Variants in CLDN16 observed in about 807,000 individuals in gnomAD.
CLDN16 encodes claudin 16.
In CLDN16, 13 loss-of-function variants were observed where a neutral mutation model predicts 24.6. The ratio of observed to expected loss-of-function variants is 0.53; its 90% CI spans 0.34 to 0.84. The LOEUF is 0.84. Among genes scored for constraint, CLDN16 ranks in the 40% least tolerant of loss-of-function variants. The probability of loss-of-function intolerance (pLI) is 0.01; values close to 1 mark genes in which losing one functional copy is unlikely to be tolerated. For missense variants in CLDN16, 298 were observed against 292.7 expected, an observed-to-expected ratio of 1.02 and a Z score of -0.13; for synonymous variants, 116 against 106.7, an observed-to-expected ratio of 1.09 and a Z score of -0.54.
chr3:190,355,391 C>T (rs1717746863), intron 1 of CLDN16, among the ~76,000 whole-genome samples: 1 of 151,844 alleles, frequency 6.6e-6, no homozygotes, highest in Admixed American at 6.6e-5. Flanking sequence ...ATCCCCAAGT[C>T]CTCTTCTTTT....
intron 1 of CLDN16, among the ~76,000 whole-genome samples, chr3:190,326,686 C>T (rs1717069311): frequency 6.6e-6 from 1 of 152,158 alleles, no homozygotes; most frequent in South Asian, 2.1e-4. Flanking sequence ...TCAAGTGCCT[C>T]CCTTGTTTTC....
chr3:190,308,255 A>G, the CLDN16 span: 1 of 1,613,312 alleles, frequency 6.2e-7, no homozygotes, highest in Non-Finnish European at 8.5e-7. Flanking sequence ...TTTCAACATG[A>G]TTTTCTCCTT....
chr3:190,375,168 TGATAA>T (rs1424920900), intron 3 of CLDN16, among the ~76,000 whole-genome samples: 5 of 152,092 alleles, frequency 3.3e-5, no homozygotes, highest in African/African-American at 1.2e-4. Context: ...TTAGGAGAAG[TGATAA>T]GATAACCCTA....
intron 1 of CLDN16, among the ~76,000 whole-genome samples, chr3:190,363,596 A>ATATATATATATATATT (rs1460049752): frequency 7.6e-6 from 1 of 131,182 alleles, no homozygotes. Context: ...ATATATATAT[A>ATATATATATATATATT]TTTTCTTTCT....
chr3:190,377,599 A>G (rs942114504), intron 3 of CLDN16, among the ~76,000 whole-genome samples: 5 of 152,030 alleles, frequency 3.3e-5, no homozygotes, highest in African/African-American at 1.2e-4. Flanking sequence ...GTTTGTATTC[A>G]ATGTATGTTA....
Position 190,356,851 on chromosome 3 carries a change from A to T in CLDN16, n.122-14042A>T, listed in dbSNP as rs1002678405. Among the ~76,000 whole-genome samples, 4 of 152,060 alleles carry T rather than the reference A, an allele frequency of 2.6e-5. No homozygotes were observed. The South Asian group carries it at 8.3e-4, about 32-fold the overall frequency. On this transcript the variant is annotated intron_variant and non_coding_transcript_variant, in intron 1 of 4. Transcript: ENST00000468220. ...ATATTTAGGTTGAAAATATTTTATT[A>T]TTCAATTATTAAAAGTTATGTAATA...
chr3:190,350,087 A>G (rs55825791), intron 1 of CLDN16, among the ~76,000 whole-genome samples: 8,786 of 152,226 alleles, frequency 0.058, 327 homozygotes, highest in East Asian at 0.14. Context: ...GGCACAGGGC[A>G]GGGCATGGAG....
the CLDN16 span, among the ~76,000 whole-genome samples, chr3:190,309,345 G>C: frequency 6.6e-6 from 1 of 152,146 alleles, no homozygotes; most frequent in Non-Finnish European, 1.5e-5. Context: ...AATCTTATGG[G>C]ATGGGCTCCA....
At chr3:190,390,772 A>G (rs991174340) in intron 1 of CLDN16, among the ~76,000 whole-genome samples, 1 of 151,984 alleles carries the variant, frequency 6.6e-6, no homozygotes, top group Non-Finnish European at 1.5e-5. Flanking sequence ...CCATATAACA[A>G]CTCACTTTAT....
chr3:190,341,274 C>T (rs1577401750), intron 1 of CLDN16, among the ~76,000 whole-genome samples: 3 of 152,318 alleles, frequency 2.0e-5, no homozygotes, highest in South Asian at 2.1e-4. Context: ...AGGACCCCAC[C>T]CCTGTAGCAA....
upstream of CLDN16, chr3:190,321,869 A>G: frequency 1.3e-6 from 1 of 789,670 alleles, no homozygotes; most frequent in Non-Finnish European, 2.1e-6. Context: ...TGATCAGAAG[A>G]CTTGATCAAC....
chr3:190,335,156 G>C (rs1432989364), intron 1 of CLDN16, among the ~76,000 whole-genome samples: 2 of 151,316 alleles, frequency 1.3e-5, no homozygotes, highest in Non-Finnish European at 2.9e-5. Flanking sequence ...CGATTCTCCT[G>C]CCACAGCCTC....
rs778765191 is a variant in CLDN16 at position 190,404,763 on chromosome 3, G to A, written c.219G>A (p.Leu73=). 6.2e-7 allele frequency: 1 copy of A among 1,614,118 alleles called. No homozygotes were observed. The highest frequency in any genetic ancestry group is 8.5e-7 in the Non-Finnish European group (1 of 1,180,006). The stretch of plus-strand genomic sequence containing the variant: ...TAACCATATGCCCTGGTCTTCCAGT[G>A]AAGCTGGTGGTAACTCGAGCGTTGA... ...EYDSILAEHP[L]KLVVTRALMI... is the part of the protein sequence containing the mutation. Residue 73 remains leucine (L), a splice_region_variant and synonymous_variant, in exon 3 of 5, where the codon TTG becomes TTA. Coordinates refer to ENST00000264734, the MANE Select transcript of CLDN16 (RefSeq NM_006580.4).
At chr3:190,294,178 C>T in the CLDN16 span, among the ~76,000 whole-genome samples, 5 of 152,148 alleles carry the variant, frequency 3.3e-5, no homozygotes, top group African/African-American at 4.8e-5. Flanking sequence ...ACTTAAAATG[C>T]TTCCTTCTAA....
chr3:190,405,899 CT>C (rs1239827324), intron 3 of CLDN16, among the ~76,000 whole-genome samples: 1 of 152,188 alleles, frequency 6.6e-6, no homozygotes, highest in Non-Finnish European at 1.5e-5. Flanking sequence ...GCTTAGTCCT[CT>C]TCTTTTGCAA....
chr3:190,347,941 T>A (rs777005028), intron 1 of CLDN16, among the ~76,000 whole-genome samples: 36 of 151,660 alleles, frequency 2.4e-4, no homozygotes, highest in Admixed American at 5.9e-4. Flanking sequence ...GGGCGAGGAA[T>A]CGGTAGAAGA....
At chr3:190,365,229 G>A (rs1717995141) in intron 1 of CLDN16, among the ~76,000 whole-genome samples, 1 of 151,742 alleles carries the variant, frequency 6.6e-6, no homozygotes, top group Admixed American at 6.6e-5. Context: ...ACTGGCCTAT[G>A]TTCTTTTGGG....
the CLDN16 span, among the ~76,000 whole-genome samples, chr3:190,303,353 T>C: frequency 6.6e-6 from 1 of 152,172 alleles, no homozygotes; most frequent in African/African-American, 2.4e-5. Context: ...AACAGGAAAC[T>C]TAATTGACAA....
intron 1 of CLDN16, among the ~76,000 whole-genome samples, chr3:190,329,386 G>C (rs1717136242): frequency 6.6e-6 from 1 of 152,158 alleles, no homozygotes; most frequent in African/African-American, 2.4e-5. Context: ...CATTACTTGT[G>C]TTCCTAAAGG....
Sources: allele counts gnomAD v4.1 joint callset (sites outside exome capture counted in the v4.1 genomes callset), GRCh38; gene constraint gnomAD v4.1.1; transcripts MANE v1.5; gene names NCBI Gene and HGNC (gene_info 2026-07-23, HGNC 2026-07-21).